GALNTL6: variants seen among roughly 807,000 people sequenced by gnomAD.
GALNTL6 encodes polypeptide N-acetylgalactosaminyltransferase like 6, also known as polypeptide N-acetylgalactosaminyltransferase-like 6.
A neutral mutation model predicts 73.7 loss-of-function variants in GALNTL6; 46 were observed. That is an observed-to-expected ratio of 0.62 (90% CI 0.49 to 0.80). The LOEUF (loss-of-function observed/expected upper bound fraction) is 0.80, where lower values mean the gene tolerates loss of function less well. Among genes scored for constraint, GALNTL6 ranks in the 30% least tolerant of loss-of-function variants. The probability of loss-of-function intolerance (pLI) is 0.00; values close to 1 mark genes in which losing one functional copy is unlikely to be tolerated. For missense variants in GALNTL6, 604 were observed against 755.0 expected (o/e 0.80, Z 2.34); for synonymous variants, 259 against 263.7 (o/e 0.98, Z 0.17).
chr4:172,539,908 A>AT lies in GALNTL6; in HGVS notation c.553+191219_553+191220insT, dbSNP rs1561128725. ...ATATATATATATATATATATATATA[A>AT]AAAATCTCATTTAATTTTCATGATG... On this transcript the variant is annotated intron_variant, in intron 5 of 12. Transcript: ENST00000506823. Among the ~76,000 whole-genome samples the AT allele has an allele frequency of 2.5e-3, 252 of 99,616 alleles. 2 individuals carry two copies. The highest frequency in any genetic ancestry group is 8.2e-3 in the South Asian group (29 of 3,558). 65.4% of individuals were successfully genotyped at this position (99,616 alleles called of 152,430 possible).
intron 2 of GALNTL6, among the ~76,000 whole-genome samples, chr4:171,897,719 C>A (rs1014780998): frequency 6.6e-6 from 1 of 150,454 alleles, no homozygotes; most frequent in South Asian, 2.2e-4. Flanking sequence ...GGCGCAATTT[C>A]GGCTCACTGC....
chr4:172,738,124 G>C (rs1225722814), intron 5 of GALNTL6, among the ~76,000 whole-genome samples: 1 of 152,180 alleles, frequency 6.6e-6, no homozygotes, highest in Non-Finnish European at 1.5e-5. Context: ...TTAAGGCAAG[G>C]ACAGTTCTCC....
chr4:172,206,276 GA>G (rs576842408), intron 2 of GALNTL6, among the ~76,000 whole-genome samples: 7 of 152,004 alleles, frequency 4.6e-5, no homozygotes, highest in Non-Finnish European at 1.0e-4. Flanking sequence ...GATGATCTGA[GA>G]AAAAAATTTT....
At chr4:172,367,610 CTTAA>C (rs1261679590) in intron 5 of GALNTL6, among the ~76,000 whole-genome samples, 1 of 152,094 alleles carries the variant, frequency 6.6e-6, no homozygotes, top group African/African-American at 2.4e-5. Flanking sequence ...TTGAATATAG[CTTAA>C]TTAATCTCAT....
intron 3 of GALNTL6, among the ~76,000 whole-genome samples, chr4:172,307,545 T>G (rs1230920268): frequency 6.6e-6 from 1 of 152,190 alleles, no homozygotes. Flanking sequence ...AATTGAGAGA[T>G]GAGGATCCAG....
At chr4:172,857,452 A>G (rs1364297651) in intron 7 of GALNTL6, among the ~76,000 whole-genome samples, 1 of 152,196 alleles carries the variant, frequency 6.6e-6, no homozygotes, top group Non-Finnish European at 1.5e-5. Context: ...GATCCTGGAA[A>G]AAAGGCCTAT....
intron 5 of GALNTL6, among the ~76,000 whole-genome samples, chr4:172,452,128 G>A (rs890442468): frequency 2.0e-5 from 3 of 152,110 alleles, no homozygotes; most frequent in African/African-American, 7.2e-5. Context: ...TGATAAATGA[G>A]TGATTTCCTG....
intron 9 of GALNTL6, among the ~76,000 whole-genome samples, chr4:172,935,224 TACAAG>T (rs1748548435): frequency 6.6e-6 from 1 of 152,144 alleles, no homozygotes; most frequent in East Asian, 1.9e-4. Flanking sequence ...CCCTCGCCAA[TACAAG>T]ACAAGGTTAG....
At chr4:172,808,197 C>T (rs1052503395) in intron 5 of GALNTL6, among the ~76,000 whole-genome samples, 1 of 152,042 alleles carries the variant, frequency 6.6e-6, no homozygotes, top group Non-Finnish European at 1.5e-5. Flanking sequence ...AAACATAGGA[C>T]AGTCAATAAA....
At chr4:173,023,205 C>T (rs1753087934) in intron 12 of GALNTL6, among the ~76,000 whole-genome samples, 1 of 152,152 alleles carries the variant, frequency 6.6e-6, no homozygotes, top group African/African-American at 2.4e-5. Flanking sequence ...GGTTATGTTA[C>T]TTGTTGCCTT....
chr4:172,458,707 T>C (rs1048821965), intron 5 of GALNTL6, among the ~76,000 whole-genome samples: 5 of 152,090 alleles, frequency 3.3e-5, no homozygotes, highest in African/African-American at 1.2e-4. Context: ...AGTTCTGAAA[T>C]TGAGGCAGTA....
chr4:171,976,297 T>C (rs753736488), intron 2 of GALNTL6, among the ~76,000 whole-genome samples: 45 of 152,218 alleles, frequency 3.0e-4, no homozygotes, highest in Non-Finnish European at 5.1e-4. Flanking sequence ...AATTTGCATT[T>C]ATGGACTGCT....
At chr4:171,828,588 C>T (rs1734885341) in intron 2 of GALNTL6, among the ~76,000 whole-genome samples, 1 of 152,100 alleles carries the variant, frequency 6.6e-6, no homozygotes. Flanking sequence ...ATGCAGTACG[C>T]TACATGTCTT....
rs1319664894 is a variant in GALNTL6, at chr4:172,087,374, G to A, written c.139-142282G>A. Among the ~76,000 whole-genome samples the A allele has an allele frequency of 3.3e-5, 5 of 151,194 alleles. No individual in the cohort carries two copies. In the East Asian group the frequency reaches 7.8e-4, roughly 24 times the overall value. Reference sequence around the variant, plus strand: ...GCAGGAGAATGGCGTGAACCCGGGAGGCGGAGCTTGCAGTGAGCCGAGGTC... The same window carrying A: ...GCAGGAGAATGGCGTGAACCCGGGAAGCGGAGCTTGCAGTGAGCCGAGGTC... On this transcript the variant is annotated intron_variant, in intron 2 of 12. Transcript: ENST00000506823.
intron 2 of GALNTL6, among the ~76,000 whole-genome samples, chr4:172,217,222 G>C (rs1304001170): frequency 6.6e-6 from 1 of 152,172 alleles, no homozygotes; most frequent in South Asian, 2.1e-4. Context: ...ACTCTCTACA[G>C]ATGCAAATTT....
intron 5 of GALNTL6, among the ~76,000 whole-genome samples, chr4:172,730,043 G>A (rs1736055123): frequency 6.6e-6 from 1 of 152,006 alleles, no homozygotes; most frequent in Admixed American, 6.6e-5. Flanking sequence ...GTTTGCTGTT[G>A]CCATATATAA....
At position 173,009,210 on chromosome 4, in the gene GALNTL6, C is replaced by G; in HGVS notation, c.1404C>G (p.Asp468Glu). 2 of 1,614,006 alleles carry G rather than the reference C, an allele frequency of 1.2e-6. No homozygotes were observed. The highest frequency in any genetic ancestry group is 2.2e-5 in the South Asian group (2 of 91,082). The change falls in exon 11 of 13, where the codon GAC (aspartate) becomes GAG (glutamate). Residue 468 changes from aspartate to glutamate, a missense_variant. Transcript: ENST00000506823. ...IRNVAANLCV[D>E]SKHGATGTEL... ...ATGTGGCAGCAAATCTCTGTGTGGA[C>G]AGCAAGCATGGAGCCACCGGAACAG...
chr4:172,222,204 C>T (rs1255713421), intron 2 of GALNTL6, among the ~76,000 whole-genome samples: 1 of 151,852 alleles, frequency 6.6e-6, no homozygotes, highest in Non-Finnish European at 1.5e-5. Flanking sequence ...TGACCTCTGC[C>T]TATGCAAAGA....
chr4:171,943,385 G>A lies in GALNTL6; in HGVS notation c.138+128667G>A, dbSNP rs118013593. ...ATTTTCATGCATTTATTGACTTTTAGGATTTCCAAGTTAGAGATGGAATTT... is the reference window on the plus strand; with the variant it reads ...ATTTTCATGCATTTATTGACTTTTAAGATTTCCAAGTTAGAGATGGAATTT... On this transcript the variant is annotated intron_variant, in intron 2 of 12. Transcript: ENST00000506823. Among the ~76,000 whole-genome samples, 23 of 152,224 alleles carry A rather than the reference G, an allele frequency of 1.5e-4. No homozygotes were observed. In the East Asian group the frequency reaches 4.1e-3, roughly 27 times the overall value.
Sources: gnomAD v4.1 joint callset for allele counts (sites outside exome capture counted in the v4.1 genomes callset) on GRCh38, gnomAD v4.1.1 for gene constraint, MANE v1.5 for transcripts, NCBI Gene and HGNC (gene_info 2026-07-23, HGNC 2026-07-21) for gene names.